Variants in TET3 observed in about 807,000 individuals in gnomAD.
TET3 encodes tet methylcytosine dioxygenase 3, also known as methylcytosine dioxygenase TET3.
A neutral mutation model predicts 141.4 loss-of-function variants in TET3; 19 were observed. The ratio of observed to expected loss-of-function variants is 0.13; its 90% confidence interval spans 0.09 to 0.20. TET3 has a LOEUF of 0.20. TET3 is among the 10% of genes least tolerant of loss of function. The probability of loss-of-function intolerance (pLI) is 1.00; values close to 1 mark genes in which losing one functional copy is unlikely to be tolerated. For synonymous variants in TET3, 1,043 were observed against 980.9 expected (o/e 1.06, Z -1.18); for missense variants, 1,874 against 2,356.9 (o/e 0.80, Z 4.24).
chr2:74,048,527 G>C, intron 4 of TET3, 116 bp downstream of exon 4: 2 of 1,143,890 alleles, frequency 1.7e-6, no homozygotes, highest in Non-Finnish European at 2.4e-6. Context: ...CTGCCACACT[G>C]GGTTCTGGGA....
chr2:74,025,117 A>C (rs954060362), intron 3 of TET3, among the ~76,000 whole-genome samples: 1 of 149,684 alleles, frequency 6.7e-6, no homozygotes, highest in Non-Finnish European at 1.5e-5. Flanking sequence ...CCAGCTGCTC[A>C]GGAGGCTGAG....
intron 10 of TET3, among the ~76,000 whole-genome samples, chr2:74,098,401 G>A (rs751433607): frequency 1.8e-4 from 27 of 152,030 alleles, no homozygotes; most frequent in Non-Finnish European, 3.7e-4. Context: ...AAAAAATGAA[G>A]CTATTATGTG....
At chr2:74,041,846 T>C (rs765329631) in intron 3 of TET3, among the ~76,000 whole-genome samples, 5 of 152,222 alleles carry the variant, frequency 3.3e-5, no homozygotes, top group Non-Finnish European at 5.9e-5. Flanking sequence ...GCTTCTTCCA[T>C]CTTTAATTTA....
intron 2 of TET3, among the ~76,000 whole-genome samples, chr2:73,995,524 C>CTGAG (rs1684548954): frequency 6.6e-6 from 1 of 152,180 alleles, no homozygotes; most frequent in African/African-American, 2.4e-5. Flanking sequence ...CGTGCCCTAC[C>CTGAG]TGAGCCCTCT....
chr2:74,058,458 A>C (rs1688326953), intron 4 of TET3, among the ~76,000 whole-genome samples: 2 of 152,186 alleles, frequency 1.3e-5, no homozygotes, highest in Non-Finnish European at 2.9e-5. Flanking sequence ...AAAATGAGGG[A>C]AATTTGACAA....
rs1197674639 is a variant in TET3, at chr2:73,985,031, G to A, written c.-551G>A. ...GGGGCTCCGCGCGCTGAGCTCGGTC[G>A]GGCCGGGCGCTCCGGGAGGCGGGAG... On this transcript the variant is annotated 5_prime_UTR_variant, in exon 1 of 12. Coordinates refer to ENST00000409262, the MANE Select transcript of TET3 (RefSeq NM_001287491.2). 6.8e-6 allele frequency: 1 copy of A among 146,504 alleles called. No individual in the cohort carries two copies. Among genetic ancestry groups the A allele is most frequent in the Non-Finnish European group, 1.5e-5 (1 of 65,624 alleles). The allele number at this position is 146,504 out of a possible 1,614,324, so 9.1% of individuals were successfully genotyped here. A position where few individuals can be genotyped will look rare whatever the true frequency, so the allele number is the denominator to read the frequency against.
rs913447605 is a variant in TET3 at position 73,988,977 on chromosome 2, GA to G, written c.303+2283del. On this transcript the variant is annotated intron_variant, in intron 2 of 11. Transcript: ENST00000409262. Reference sequence around the variant, plus strand: ...AAAATGGTAACCAGTGCCTCTCTCTGAAAAAAAAAAAAGTTTTTTTTGTTTT... The same window carrying G: ...AAAATGGTAACCAGTGCCTCTCTCTGAAAAAAAAAAAGTTTTTTTTGTTTT... Among the ~76,000 whole-genome samples, 573 of 96,814 alleles carry G rather than the reference GA, an allele frequency of 5.9e-3. 7 individuals are homozygous for G. The highest frequency in any genetic ancestry group is 0.022 in the African/African-American group (482 of 22,098). 63.5% of individuals were successfully genotyped at this position (96,814 alleles called of 152,430 possible).
In TET3 at chr2:74,048,420, G is replaced by A. The variant is rs767497458; in HGVS notation, c.2494+9G>A. ...CACCTGCGATTGCGTCGGTAAGTCC[G>A]CCTGGGTATCAGGGAAGGGCAGAGA... is the stretch of plus-strand genomic sequence containing the variant. On this transcript the variant is annotated intron_variant, in intron 4 of 11. Transcript: ENST00000409262. 8.1e-6 allele frequency: 13 copies of A among 1,597,572 alleles called. No homozygotes were observed. Among genetic ancestry groups the A allele is most frequent in the Non-Finnish European group, 1.0e-5 (12 of 1,170,244 alleles).
At chr2:74,009,738 G>T (rs1254172508) in intron 3 of TET3, among the ~76,000 whole-genome samples, 1 of 152,192 alleles carries the variant, frequency 6.6e-6, no homozygotes, top group South Asian at 2.1e-4. Context: ...GGCCTCTAAG[G>T]ACATGCTTTG....
intron 3 of TET3, among the ~76,000 whole-genome samples, chr2:74,024,493 C>A (rs888896615): frequency 2.0e-5 from 3 of 152,044 alleles, no homozygotes; most frequent in Admixed American, 2.0e-4. Flanking sequence ...CGGCCCCCTT[C>A]TTCCTTGCCC....
chr2:74,035,771 G>C (rs1339350902), intron 3 of TET3, among the ~76,000 whole-genome samples: 1 of 149,944 alleles, frequency 6.7e-6, no homozygotes, highest in Non-Finnish European at 1.5e-5. Flanking sequence ...CAACACTTTG[G>C]GAGGCCGAGG....
At chr2:74,039,782 G>A (rs1052947348) in intron 3 of TET3, among the ~76,000 whole-genome samples, 1 of 152,198 alleles carries the variant, frequency 6.6e-6, no homozygotes, top group Admixed American at 6.5e-5. Flanking sequence ...CCTCAGCTGG[G>A]AATGTCAGCT....
intron 3 of TET3, among the ~76,000 whole-genome samples, chr2:74,033,556 G>C (rs768678513): frequency 6.6e-6 from 1 of 152,122 alleles, no homozygotes; most frequent in Non-Finnish European, 1.5e-5. Context: ...ACAGGCATAC[G>C]TTGGAGATAC....
the TET3 span, chr2:74,121,103 G>GA: frequency 6.6e-6 from 1 of 152,110 alleles, no homozygotes; most frequent in East Asian, 1.9e-4. Context: ...AGTATTTTGA[G>GA]AAAATGCCAT....
At chr2:74,129,724 C>CT in the TET3 span, among the ~76,000 whole-genome samples, 7 of 152,148 alleles carry the variant, frequency 4.6e-5, no homozygotes, top group South Asian at 2.1e-4. Flanking sequence ...CCCCCAATGA[C>CT]TTTTTTGTTT....
intron 4 of TET3, among the ~76,000 whole-genome samples, chr2:74,061,602 C>T (rs903099669): frequency 4.6e-5 from 7 of 150,988 alleles, no homozygotes; most frequent in African/African-American, 1.7e-4. Context: ...GGGCTGACCC[C>T]CCCCACCTCC....
At chr2:73,985,866 T>C (rs1353376490) in intron 1 of TET3, 114 bp from the exon 2 acceptor site, 3 of 152,020 alleles carry the variant, frequency 2.0e-5, no homozygotes, top group South Asian at 2.1e-4. Context: ...AGGACCTCAA[T>C]TGAGCAAGCC....
At position 74,046,492 on chromosome 2, in the gene TET3, C is replaced by G; in HGVS notation, c.575C>G (p.Ala192Gly). The change falls in exon 4 of 12, where the codon GCT becomes GGT. Residue 192 changes from alanine (A) to glycine (G), a missense_variant. Transcript: ENST00000409262. This position sits in a 1 kb window ranked among gnomAD's most constrained non-coding sequence, Gnocchi z 4.3. ...GCTGCCCCAGGCCCAGCTCATACTG[C>G]TCGCCTGGAAGATGCCCACGATCTG... ...WEAAPGPAHT[A>G]RLEDAHDLVA... The G allele has an allele frequency of 6.2e-7, 1 of 1,613,830 alleles. No homozygotes were observed. Among genetic ancestry groups the G allele is most frequent in the Non-Finnish European group, 8.5e-7 (1 of 1,179,768 alleles).
rs148837953 is a variant in TET3, at chr2:73,989,215, C to T, written c.303+2509C>T. ...CCATTAGATCTTAGCAGCCGTGTGG[C>T]AGAGGGAACATGTCCCGGGATTGGG... On this transcript the variant is annotated intron_variant, in intron 2 of 11. Transcript: ENST00000409262. 2.6e-3 allele frequency among the ~76,000 whole-genome samples: 394 copies of T among 152,136 alleles called. 1 individual carries two copies. The highest frequency in any genetic ancestry group is 9.0e-3 in the African/African-American group (375 of 41,500).
Sources: gnomAD v4.1 joint callset for allele counts (sites outside exome capture counted in the v4.1 genomes callset) on GRCh38, gnomAD v4.1.1 for gene constraint, Gnocchi (gnomAD v3.1) non-coding constraint, MANE v1.5 for transcripts, NCBI Gene and HGNC (gene_info 2026-07-23, HGNC 2026-07-21) for gene names.